The following NUFIP1 variants were observed in gnomAD, a reference collection of about 807,000 sequenced individuals.
NUFIP1 encodes the protein nuclear FMR1 interacting protein 1, also known as FMR1-interacting protein NUFIP1.
In NUFIP1, 38 loss-of-function variants were observed where a neutral mutation model predicts 56.2. The observed-to-expected ratio is 0.68, with a 90% confidence interval of 0.52 to 0.89. The LOEUF (loss-of-function observed/expected upper bound fraction) is 0.89. Among genes scored for constraint, NUFIP1 ranks in the 40% least tolerant of loss-of-function variants. The probability of loss-of-function intolerance (pLI) is 0.00; values close to 1 mark genes in which losing one functional copy is unlikely to be tolerated. For synonymous variants in NUFIP1, 215 were observed against 212.4 expected (o/e 1.01, Z -0.10); for missense variants, 567 against 605.8 (o/e 0.94, Z 0.67).
intron 5 of NUFIP1, among the ~76,000 whole-genome samples, chr13:44,970,961 C>T (rs1350624044): frequency 6.6e-6 from 1 of 152,162 alleles, no homozygotes; most frequent in Non-Finnish European, 1.5e-5. Context: ...CAGGTGTGAG[C>T]CACCACGCCC....
At chr13:44,987,962 G>A (rs190961849) in intron 1 of NUFIP1, among the ~76,000 whole-genome samples, 18 of 152,264 alleles carry the variant, frequency 1.2e-4, no homozygotes, top group African/African-American at 3.6e-4. Flanking sequence ...AGCCACACTG[G>A]TTCCCATTCT....
intron 6 of NUFIP1, among the ~76,000 whole-genome samples, chr13:44,962,841 ATACT>A (rs1048744137): frequency 1.3e-5 from 2 of 152,186 alleles, no homozygotes; most frequent in African/African-American, 4.8e-5. Context: ...AGATACACAA[ATACT>A]TAGCATTGTG....
intron 5 of NUFIP1, among the ~76,000 whole-genome samples, chr13:44,973,850 G>A (rs993448854): frequency 2.0e-5 from 3 of 152,104 alleles, no homozygotes; most frequent in Non-Finnish European, 4.4e-5. Flanking sequence ...CTAAAAGGGC[G>A]AAAGTTCACA....
At chr13:44,962,036 A>G (rs897417220) in intron 6 of NUFIP1, among the ~76,000 whole-genome samples, 2 of 152,258 alleles carry the variant, frequency 1.3e-5, no homozygotes, top group African/African-American at 4.8e-5. Context: ...ATAGTTACAA[A>G]AGGCATAATG....
At position 44,943,688 on chromosome 13, in the gene NUFIP1, AAAAC is replaced by A; in HGVS notation, c.1139-18_1139-15del. The stretch of plus-strand genomic sequence containing the variant: ...TGATGGGAGTTTCTAAGTGTGATGA[AAAAC>A]AAACACAAAAATAAACAAAACAAAA... On this transcript the variant is annotated splice_polypyrimidine_tract_variant and intron_variant, in intron 8 of 9. Transcript: ENST00000379161. 3 of 1,583,446 alleles carry A rather than the reference AAAAC, an allele frequency of 1.9e-6. No individual in the cohort carries two copies. The highest frequency in any genetic ancestry group is 2.6e-6 in the Non-Finnish European group (3 of 1,163,842).
chr13:44,988,359 G>A (rs561483932), intron 1 of NUFIP1, among the ~76,000 whole-genome samples: 54 of 152,180 alleles, frequency 3.5e-4, no homozygotes, highest in Non-Finnish European at 6.8e-4. Flanking sequence ...GGCAGAGGTT[G>A]CAGTGAGCCT....
rs1872153234 is a variant in NUFIP1 at position 44,980,603 on chromosome 13, A to T, written c.594+119T>A. 4.0e-6 allele frequency: 3 copies of T among 751,146 alleles called. No homozygotes were observed. The East Asian group carries it at 8.5e-5, about 21-fold the overall frequency. The allele number at this position is 751,146 out of a possible 1,614,324, so 46.5% of individuals were successfully genotyped here. ...CTGCCCCTATCTGTCAAGTTGTCAA[A>T]CTATATCTCTACAGAAACTATAAAC... On this transcript the variant is annotated intron_variant, in intron 3 of 9. Coordinates refer to ENST00000379161, the MANE Select transcript of NUFIP1 (RefSeq NM_012345.3).
intron 7 of NUFIP1, among the ~76,000 whole-genome samples, chr13:44,952,642 T>C (rs983268045): frequency 6.6e-5 from 10 of 152,178 alleles, no homozygotes; most frequent in African/African-American, 2.4e-4. Flanking sequence ...AGAGTCTCCA[T>C]ATATCCTTCA....
intron 7 of NUFIP1, among the ~76,000 whole-genome samples, chr13:44,951,963 G>A: frequency 6.6e-6 from 1 of 152,150 alleles, no homozygotes; most frequent in East Asian, 1.9e-4. Flanking sequence ...GGGTGACTGT[G>A]GCAGTCTCTC....
At chr13:44,957,024 A>T (rs1015809676) in intron 7 of NUFIP1, among the ~76,000 whole-genome samples, 1 of 152,154 alleles carries the variant, frequency 6.6e-6, no homozygotes, top group African/African-American at 2.4e-5. Context: ...TTATAATACA[A>T]TATTATAAAA....
In NUFIP1 at chr13:44,986,284, T is replaced by A. The variant is rs184905874; in HGVS notation, c.412+2741A>T. Among the ~76,000 whole-genome samples the A allele has an allele frequency of 2.8e-3, 425 of 152,288 alleles. 3 individuals are homozygous for A. The South Asian group carries it at 0.031, about 11-fold the overall frequency. On this transcript the variant is annotated intron_variant, in intron 1 of 9. Coordinates refer to ENST00000379161, the MANE Select transcript of NUFIP1 (RefSeq NM_012345.3). ...ATGGAAGGAGGTCAAAAGATCAACA[T>A]TAACAGGAGTTTGAAAGAAGAAATT...
intron 1 of NUFIP1, among the ~76,000 whole-genome samples, chr13:44,985,242 A>G (rs977847609): frequency 3.9e-5 from 6 of 152,230 alleles, no homozygotes; most frequent in Admixed American, 1.3e-4. Context: ...TTCCAACTTT[A>G]ATTCCTGGAC....
rs372107709 is a variant in NUFIP1, at chr13:44,943,473, G to A, written c.1340C>T (p.Pro447Leu). ...CAAGAGATATGGATGGTGTGTTCTT[G>A]GTTCGAATAACGTTTGATAGTTGTG... Reference protein sequence around the residue: ...DYHNYQTLFEPRTHHPYLLEM... With the variant: ...DYHNYQTLFELRTHHPYLLEM... Residue 447 changes from proline (P) to leucine (L), a missense_variant, in exon 9 of 10, where the codon CCA (proline) becomes CTA (leucine). Pro to Leu is a moderately conservative substitution (Grantham distance 98). Coordinates refer to ENST00000379161, the MANE Select transcript of NUFIP1 (RefSeq NM_012345.3). 6.2e-7 allele frequency: 1 copy of A among 1,613,816 alleles called. No individual in the cohort carries two copies. The highest frequency in any genetic ancestry group is 1.1e-5 in the South Asian group (1 of 91,068).
chr13:44,949,691 A>C, intron 8 of NUFIP1, 31 bp downstream of exon 8: 1 of 1,418,960 alleles, frequency 7.0e-7, no homozygotes, highest in Non-Finnish European at 9.7e-7. Flanking sequence ...CAACAAAACA[A>C]AACCCTGTAA....
At chr13:44,966,749 G>A (rs1024454538) in intron 5 of NUFIP1, among the ~76,000 whole-genome samples, 4 of 151,844 alleles carry the variant, frequency 2.6e-5, no homozygotes, top group East Asian at 3.9e-4. Context: ...TGAGGTGGGC[G>A]GATCATTTGA....
At chr13:44,961,243 G>T (rs1871414238) in intron 6 of NUFIP1, among the ~76,000 whole-genome samples, 1 of 151,976 alleles carries the variant, frequency 6.6e-6, no homozygotes, top group African/African-American at 2.4e-5. Flanking sequence ...CATTTATTGG[G>T]CAAAATTCAT....
chr13:44,945,779 T>C (rs138715668), intron 8 of NUFIP1, among the ~76,000 whole-genome samples: 2 of 152,178 alleles, frequency 1.3e-5, no homozygotes, highest in East Asian at 1.9e-4. Context: ...CACTCCCCAA[T>C]AGTTATACTA....
At chr13:44,979,839 AT>A (rs1447106567) in intron 4 of NUFIP1, 50 bp downstream of exon 4, 1 of 1,295,304 alleles carries the variant, frequency 7.7e-7, no homozygotes, top group Non-Finnish European at 1.1e-6. Context: ...AAGATAACAG[AT>A]CAATAAAAAG....
At position 44,981,989 on chromosome 13, in the gene NUFIP1, G is replaced by A. The variant is rs184546115; in HGVS notation, c.495+83C>T. The A allele has an allele frequency of 1.4e-4, 93 of 653,480 alleles. 1 individual carries two copies. The highest frequency in any genetic ancestry group is 3.2e-5 in the East Asian group (1 of 31,286). 40.5% of individuals were successfully genotyped at this position (653,480 alleles called of 1,614,324 possible). ...GTGTCAATAATGGAAGCAAAACACT[G>A]AAGACAGTTATGACAGAAATGCAAG... On this transcript the variant is annotated intron_variant, in intron 2 of 9. Transcript: ENST00000379161.
Sources: gnomAD v4.1 joint callset for allele counts (sites outside exome capture counted in the v4.1 genomes callset) on GRCh38, gnomAD v4.1.1 for gene constraint, MANE v1.5 for transcripts, NCBI Gene and HGNC (gene_info 2026-07-23, HGNC 2026-07-21) for gene names.